The following LRRC47 variants were observed in gnomAD, a reference collection of about 807,000 sequenced individuals.
The protein encoded by LRRC47 is leucine rich repeat containing 47.
A neutral mutation model predicts 40.9 loss-of-function variants in LRRC47; 31 were observed. The observed-to-expected ratio is 0.76, with a 90% CI of 0.57 to 1.02. LRRC47 has a LOEUF of 1.02. Among genes scored for constraint, LRRC47 ranks in the 50% least tolerant of loss-of-function variants. LRRC47 has a pLI of 0.00. For synonymous variants in LRRC47, 427 were observed against 371.9 expected, an observed-to-expected ratio of 1.15 and a Z score of -1.70; for missense variants, 726 against 796.1, an observed-to-expected ratio of 0.91 and a Z score of 1.06.
At chr1:3,786,639 G>A (rs1643576286) in intron 2 of LRRC47, among the ~76,000 whole-genome samples, 1 of 152,194 alleles carries the variant, frequency 6.6e-6, no homozygotes, top group Non-Finnish European at 1.5e-5. Context: ...TCCCGGAGGG[G>A]ACTGAGGCCT....
chr1:3,794,434 C>T (rs917108802), intron 1 of LRRC47, among the ~76,000 whole-genome samples: 2 of 151,974 alleles, frequency 1.3e-5, no homozygotes, highest in African/African-American at 4.8e-5. Flanking sequence ...GCAACCTCCA[C>T]TTCCTGGGCT....
intron 1 of LRRC47, among the ~76,000 whole-genome samples, chr1:3,793,129 T>A (rs898594091): frequency 1.8e-4 from 28 of 151,646 alleles, no homozygotes; most frequent in Admixed American, 5.9e-4. Context: ...TTTTTTTTTT[T>A]AAATGGAGTT....
intron 2 of LRRC47, 69 bp from the exon 3 acceptor site, chr1:3,785,272 A>T: frequency 4.4e-6 from 5 of 1,135,684 alleles, no homozygotes; most frequent in Non-Finnish European, 6.0e-6. Context: ...TCCACACTTC[A>T]CCCTTGGCTG....
intron 1 of LRRC47, among the ~76,000 whole-genome samples, chr1:3,795,098 C>T (rs1399839907): frequency 7.1e-6 from 1 of 141,626 alleles, no homozygotes; most frequent in Non-Finnish European, 1.5e-5. Context: ...AATTCAAAGA[C>T]GAAAAATGGG....
intron 2 of LRRC47, 184 bp from the exon 3 acceptor site, chr1:3,785,387 G>T: frequency 2.9e-6 from 1 of 342,016 alleles, no homozygotes; most frequent in Non-Finnish European, 5.3e-6. Flanking sequence ...GGCCAGCCAG[G>T]CACTCACTTT....
intron 4 of LRRC47, 28 bp downstream of exon 4, chr1:3,783,968 G>GCCCCA (rs1222740596): frequency 6.3e-7 from 1 of 1,577,316 alleles, no homozygotes; most frequent in Non-Finnish European, 8.6e-7. Flanking sequence ...CCCGGGCCCG[G>GCCCCA]CCCCACCCCA....
At chr1:3,793,924 C>T (rs1282860905) in intron 1 of LRRC47, among the ~76,000 whole-genome samples, 4 of 152,252 alleles carry the variant, frequency 2.6e-5, no homozygotes, top group East Asian at 1.9e-4. Flanking sequence ...CGGCCGGGCG[C>T]GGTGGCTCAT....
intron 1 of LRRC47, among the ~76,000 whole-genome samples, chr1:3,790,263 C>T (rs1169367699): frequency 6.6e-6 from 1 of 152,208 alleles, no homozygotes; most frequent in Admixed American, 6.5e-5. Context: ...CTGAGTGAGC[C>T]CCACTCCCTC....
Position 3,795,763 on chromosome 1 carries a change from CA to C in LRRC47, c.615+98del, listed in dbSNP as rs1643667438. 1.0e-5 allele frequency: 14 copies of C among 1,376,876 alleles called. No individual in the cohort carries two copies. In the East Asian group the frequency reaches 4.0e-4, roughly 39 times the overall value. The allele number at this position is 1,376,876 out of a possible 1,614,324, so 85.3% of individuals were successfully genotyped here. ...TAGGAATTCCCTGGGCCCAGTGCCC[CA>C]GGGGGCGTCACTAGGAACTGCTCGG... On this transcript the variant is annotated intron_variant, in intron 1 of 6. Coordinates refer to ENST00000378251, the MANE Select transcript of LRRC47 (RefSeq NM_020710.3).
Position 3,787,202 on chromosome 1 carries a change from G to T in LRRC47, c.724C>A (p.Leu242Met), listed in dbSNP as rs1188737129. The T allele has an allele frequency of 1.9e-6, 3 of 1,613,772 alleles. No individual in the cohort carries two copies. The highest frequency in any genetic ancestry group is 2.5e-6 in the Non-Finnish European group (3 of 1,180,058). ...TGGCAGCCGCTGACCATCTTCTCCA[G>T]GCGCTTGTCCCTCAGCTTGTTCCCA... ...FRGNKLRDKR[L>M]EKMVSGCQTR... Residue 242 changes from leucine (L) to methionine (M), a missense_variant, in exon 2 of 7, where the codon CTG becomes ATG. By Grantham distance (15) the Leu-to-Met change is conservative. Coordinates refer to ENST00000378251, the MANE Select transcript of LRRC47 (RefSeq NM_020710.3).
At position 3,782,705 on chromosome 1, in the gene LRRC47, C is replaced by T. The variant is rs1428759193; in HGVS notation, c.1369G>A (p.Asp457Asn). 6.2e-7 allele frequency: 1 copy of T among 1,613,314 alleles called. No individual in the cohort carries two copies. The highest frequency in any genetic ancestry group is 1.7e-5 in the Admixed American group (1 of 60,028). Residue 457 changes from aspartate (D) to asparagine (N), a missense_variant, in exon 5 of 7, where the codon GAT becomes AAT. Physicochemically the swap from Asp to Asn is conservative, Grantham distance 23. Coordinates refer to ENST00000378251, the MANE Select transcript of LRRC47 (RefSeq NM_020710.3). ...NYPCLVDADG[D>N]VISFPPITNS... Reference sequence around the variant, plus strand: ...GTTATTGGTGGGAAGGAAATCACATCACCGTCTGCATCCACAAGACACGGG... The same window carrying T: ...GTTATTGGTGGGAAGGAAATCACATTACCGTCTGCATCCACAAGACACGGG...
At chr1:3,781,651 T>C in intron 5 of LRRC47, 50 bp from the exon 6 acceptor site, 2 of 1,414,812 alleles carry the variant, frequency 1.4e-6, no homozygotes, top group Non-Finnish European at 2.0e-6. Context: ...AATGTAGACA[T>C]CAGCAACTGC....
intron 1 of LRRC47, among the ~76,000 whole-genome samples, chr1:3,788,134 G>A (rs1395096655): frequency 1.3e-5 from 2 of 152,262 alleles, no homozygotes; most frequent in African/African-American, 4.8e-5. Flanking sequence ...GAACGTGCGT[G>A]TGAGGGCAGC....
chr1:3,788,699 G>A (rs373845229), intron 1 of LRRC47, among the ~76,000 whole-genome samples: 7 of 152,286 alleles, frequency 4.6e-5, no homozygotes, highest in African/African-American at 1.2e-4. Context: ...ATGGGATGGC[G>A]CTCAGAAGCG....
Position 3,780,051 on chromosome 1 carries a change from A to C in LRRC47, c.*1037T>G, listed in dbSNP as rs1643503362. ...GCATCCTGGCATGATATGGTTTTAC[A>C]AGATGCTGCGTCATAGAAAGTGACC... On this transcript the variant is annotated 3_prime_UTR_variant, in exon 7 of 7. Coordinates refer to ENST00000378251, the MANE Select transcript of LRRC47 (RefSeq NM_020710.3). The C allele has an allele frequency of 6.6e-6, 1 of 152,224 alleles. No individual in the cohort carries two copies. The highest frequency in any genetic ancestry group is 2.4e-5 in the African/African-American group (1 of 41,458). 9.4% of individuals were successfully genotyped at this position (152,224 alleles called of 1,614,324 possible).
At chr1:3,787,724 G>T (rs1262002907) in intron 1 of LRRC47, among the ~76,000 whole-genome samples, 1 of 152,202 alleles carries the variant, frequency 6.6e-6, no homozygotes, top group African/African-American at 2.4e-5. Flanking sequence ...CAGGTGAGAA[G>T]CAGGTTCCCC....
At chr1:3,789,067 C>A (rs941395739) in intron 1 of LRRC47, among the ~76,000 whole-genome samples, 2 of 152,268 alleles carry the variant, frequency 1.3e-5, no homozygotes, top group Non-Finnish European at 2.9e-5. Context: ...CCCTTCCGGC[C>A]CCACATGGGA....
rs183277561 is a variant in LRRC47 at position 3,791,996 on chromosome 1, C to T, written c.615+3866G>A. 1.2e-3 allele frequency among the ~76,000 whole-genome samples: 190 copies of T among 152,276 alleles called. 1 individual carries two copies. Among genetic ancestry groups the T allele is most frequent in the African/African-American group, 4.4e-3 (182 of 41,556 alleles). The stretch of plus-strand genomic sequence containing the variant: ...CTCAAACTCCTGGGCTCAAGTGATC[C>T]GCCCGCCTCAGCCTCCTGAAGGGCT... On this transcript the variant is annotated intron_variant, in intron 1 of 6. Transcript: ENST00000378251.
In LRRC47 at chr1:3,793,316, C is replaced by T. The variant is rs376700979; in HGVS notation, c.615+2546G>A. ...CCATGTTGGTCAGGCTGGTTTAGAA[C>T]TCCCGACCTCAGGTGATCCGCCTGC... On this transcript the variant is annotated intron_variant, in intron 1 of 6. Transcript: ENST00000378251. 6.6e-5 allele frequency among the ~76,000 whole-genome samples: 10 copies of T among 152,250 alleles called. No homozygotes were observed. The East Asian group carries it at 1.5e-3, about 24-fold the overall frequency.
Sources: allele counts gnomAD v4.1 joint callset (sites outside exome capture counted in the v4.1 genomes callset), GRCh38; gene constraint gnomAD v4.1.1; transcripts MANE v1.5; gene names NCBI Gene and HGNC (gene_info 2026-07-23, HGNC 2026-07-21).